HUS1: variants seen among roughly 807,000 people sequenced by gnomAD.
The protein encoded by HUS1 is checkpoint protein HUS1.
A neutral mutation model predicts 32.6 loss-of-function variants in HUS1; 31 were observed. That is an observed-to-expected ratio of 0.95 (90% confidence interval 0.72 to 1.28). The LOEUF (loss-of-function observed/expected upper bound fraction) is 1.28. Ranked by LOEUF, HUS1 falls within the 50% of genes most tolerant of loss-of-function variation. The pLI is 0.00. For missense variants in HUS1, 340 were observed against 337.7 expected, an observed-to-expected ratio of 1.01 and a Z score of -0.05; for synonymous variants, 123 against 116.6, an observed-to-expected ratio of 1.06 and a Z score of -0.36.
chr7:47,971,609 G>C (rs1178685704), intron 5 of HUS1: 9 of 454,776 alleles, frequency 2.0e-5, no homozygotes, highest in African/African-American at 1.6e-4. Flanking sequence ...CCTCCTAAAA[G>C]AACCAGTACC....
chr7:47,970,232 CAAAAAAAAAAA>C (rs777331089), intron 5 of HUS1, among the ~76,000 whole-genome samples: 25 of 47,836 alleles, frequency 5.2e-4, no homozygotes, highest in Non-Finnish European at 7.8e-4. Context: ...GACTCTGTCT[CAAAAAAAAAAA>C]AAAAAAAAAA....
At chr7:47,972,142 G>C (rs1457945529) in intron 5 of HUS1, among the ~76,000 whole-genome samples, 1 of 152,120 alleles carries the variant, frequency 6.6e-6, no homozygotes, top group African/African-American at 2.4e-5. Flanking sequence ...CAATCTTTGT[G>C]AATATGCTAG....
At chr7:47,969,722 G>A (rs993183630) in intron 5 of HUS1, among the ~76,000 whole-genome samples, 2 of 152,028 alleles carry the variant, frequency 1.3e-5, no homozygotes, top group South Asian at 4.1e-4. Context: ...GGAAGTAAGA[G>A]CCTCAACTAA....
intron 7 of HUS1, among the ~76,000 whole-genome samples, chr7:47,967,243 G>A (rs1470336809): frequency 6.6e-6 from 1 of 152,042 alleles, no homozygotes; most frequent in African/African-American, 2.4e-5. Context: ...CCTTTCTCAT[G>A]TGTGGTCAGT....
At chr7:47,972,341 T>C (rs1390122616) in intron 5 of HUS1, among the ~76,000 whole-genome samples, 3 of 152,234 alleles carry the variant, frequency 2.0e-5, no homozygotes, top group Non-Finnish European at 4.4e-5. Context: ...TTCTCTTGTG[T>C]TTTCTTCAAA....
chr7:47,976,747 C>G lies in HUS1; in HGVS notation c.448G>C (p.Val150Leu). 6.2e-7 allele frequency: 1 copy of G among 1,609,872 alleles called. No homozygotes were observed. Among genetic ancestry groups the G allele is most frequent in the Non-Finnish European group, 8.5e-7 (1 of 1,176,166 alleles). ...TCACCTACATCAGGATCTGGGACCA[C>G]CGGTTCTTGTAAGTCCTTCCACAAT... ...RKLWKDLQEP[V>L]VPDPDVSIYL... Residue 150 changes from valine to leucine, a missense_variant, in exon 4 of 8, where the codon GTG becomes CTG. Physicochemically the swap from Val to Leu is conservative, Grantham distance 32. Transcript: ENST00000258774.
At chr7:47,969,090 T>C in intron 6 of HUS1, 129 bp downstream of exon 6, 1 of 600,918 alleles carries the variant, frequency 1.7e-6, no homozygotes, top group Non-Finnish European at 2.9e-6. Flanking sequence ...TCAATTCCTT[T>C]GTTCTTCACC....
At chr7:47,976,887 A>G (rs2128766567) in intron 3 of HUS1, 50 bp from the exon 4 acceptor site, 1 of 1,255,244 alleles carries the variant, frequency 8.0e-7, no homozygotes, top group East Asian at 2.3e-5. Flanking sequence ...ATATTAAGCA[A>G]CAACAAAACA....
intron 3 of HUS1, among the ~76,000 whole-genome samples, chr7:47,977,635 C>A (rs1193758960): frequency 6.6e-6 from 1 of 152,124 alleles, no homozygotes; most frequent in Non-Finnish European, 1.5e-5. Context: ...CTCATGCCTA[C>A]AATCGCAGCA....
chr7:47,977,808 C>A (rs1177613406), intron 3 of HUS1, among the ~76,000 whole-genome samples: 2 of 152,096 alleles, frequency 1.3e-5, no homozygotes, highest in Non-Finnish European at 2.9e-5. Context: ...GCATGAGAAT[C>A]GCTTGAACCC....
rs1243957541 is a variant in HUS1, at chr7:47,976,760, G to A, written c.435C>T (p.Asp145=). Residue 145 remains aspartate, a synonymous_variant, in exon 4 of 8, where the codon GAC becomes GAT. Coordinates refer to ENST00000258774, the MANE Select transcript of HUS1 (RefSeq NM_004507.4). ...IKVIPRKLWK[D]LQEPVVPDPD... Reference sequence around the variant, plus strand: ...GATCTGGGACCACCGGTTCTTGTAAGTCCTTCCACAATTTCCTAGGAATCA... The same window carrying A: ...GATCTGGGACCACCGGTTCTTGTAAATCCTTCCACAATTTCCTAGGAATCA... 5 of 1,613,162 alleles carry A rather than the reference G, an allele frequency of 3.1e-6. No individual in the cohort carries two copies. The highest frequency in any genetic ancestry group is 4.2e-6 in the Non-Finnish European group (5 of 1,179,186).
intron 6 of HUS1, 112 bp from the exon 7 acceptor site, chr7:47,968,037 C>T (rs1244982991): frequency 9.0e-7 from 1 of 1,110,542 alleles, no homozygotes; most frequent in East Asian, 2.5e-5. Flanking sequence ...CTGATTTTAG[C>T]ATCCTGAAGA....
At chr7:47,974,969 C>G (rs1788670212) in intron 5 of HUS1, among the ~76,000 whole-genome samples, 1 of 152,180 alleles carries the variant, frequency 6.6e-6, no homozygotes, top group Non-Finnish European at 1.5e-5. Context: ...AACTCACTGT[C>G]AGTCATATCA....
intron 5 of HUS1, among the ~76,000 whole-genome samples, chr7:47,975,307 G>A (rs1326459580): frequency 1.5e-5 from 2 of 134,334 alleles, no homozygotes; most frequent in Non-Finnish European, 3.1e-5. Context: ...GACAGAGTGA[G>A]ACTCTGTCTC....
At position 47,969,324 on chromosome 7, in the gene HUS1, A is replaced by T. The variant is rs780138515; in HGVS notation, c.541-6T>A. ...TCTAGGTTTGCTTCAATAACCTGCA[A>T]ATTGAGTATTTTACATAGTCTTAGA... On this transcript the variant is annotated splice_region_variant and splice_polypyrimidine_tract_variant and intron_variant, in intron 5 of 7. Transcript: ENST00000258774. The T allele has an allele frequency of 2.5e-5, 37 of 1,494,236 alleles. No homozygotes were observed. The highest frequency in any genetic ancestry group is 4.1e-5 in the African/African-American group (3 of 72,302). 92.6% of individuals were successfully genotyped at this position (1,494,236 alleles called of 1,614,324 possible). A position where few individuals can be genotyped will look rare whatever the true frequency, so the allele number is the denominator to read the frequency against.
At position 47,975,696 on chromosome 7, in the gene HUS1, C is replaced by T; in HGVS notation, c.466-9G>A. ...GGTAAATAAATACTAACCTACAAAA[C>T]CAATGAGAAAAAAGCACAAGTATTA... On this transcript the variant is annotated splice_polypyrimidine_tract_variant and intron_variant, in intron 4 of 7. Transcript: ENST00000258774. 6.5e-7 allele frequency: 1 copy of T among 1,531,862 alleles called. No individual in the cohort carries two copies. Among genetic ancestry groups the T allele is most frequent in the Non-Finnish European group, 9.0e-7 (1 of 1,114,892 alleles). The allele number at this position is 1,531,862 out of a possible 1,614,324, so 94.9% of individuals were successfully genotyped here. A position where few individuals can be genotyped will look rare whatever the true frequency, so the allele number is the denominator to read the frequency against.
intron 5 of HUS1, 88 bp from the exon 6 acceptor site, chr7:47,969,406 A>C (rs1788548683): frequency 2.8e-6 from 2 of 715,618 alleles, no homozygotes; most frequent in Non-Finnish European, 4.9e-6. Context: ...CAACCAGATG[A>C]CAAAGTACCC....
At chr7:47,970,068 C>A (rs1026809115) in intron 5 of HUS1, among the ~76,000 whole-genome samples, 3 of 151,208 alleles carry the variant, frequency 2.0e-5, no homozygotes, top group Non-Finnish European at 4.4e-5. Flanking sequence ...CCCGTCTCTA[C>A]TAAAAATACA....
rs1788673705 is a variant in HUS1 at position 47,975,123 on chromosome 7, C to T, written c.540+490G>A. On this transcript the variant is annotated intron_variant, in intron 5 of 7. Transcript: ENST00000258774. ...GGTCAGGAGATCGAGACCATCCTGG[C>T]TAACACGGTGAAACCCCGTCTGTAC... is the stretch of plus-strand genomic sequence containing the variant. Among the ~76,000 whole-genome samples, 2 of 151,160 alleles carry T rather than the reference C, an allele frequency of 1.3e-5. 1 individual carries two copies. The highest frequency in any genetic ancestry group is 1.3e-4 in the Admixed American group (2 of 15,148).
Sources: gnomAD v4.1 joint callset for allele counts (sites outside exome capture counted in the v4.1 genomes callset) on GRCh38, gnomAD v4.1.1 for gene constraint, MANE v1.5 for transcripts, NCBI Gene and HGNC (gene_info 2026-07-23, HGNC 2026-07-21) for gene names.